Variants in PPP3CC observed in about 807,000 individuals in gnomAD.
PPP3CC encodes the protein protein phosphatase 3 catalytic subunit gamma.
Under a neutral mutation model 60.3 loss-of-function variants are expected in PPP3CC, and 35 were observed. The ratio of observed to expected loss-of-function variants is 0.58; its 90% CI spans 0.44 to 0.77. The LOEUF is 0.77. Ranked by LOEUF, PPP3CC falls within the 30% of genes least tolerant of loss-of-function variation. The pLI, the probability that PPP3CC is intolerant of heterozygous loss-of-function variation, is 0.00. For missense variants in PPP3CC, 570 were observed against 628.9 expected (o/e 0.91, Z 1.00); for synonymous variants, 206 against 224.3 (o/e 0.92, Z 0.73).
chr8:22,468,229 G>A (rs1241163079), intron 1 of PPP3CC, among the ~76,000 whole-genome samples: 2 of 151,994 alleles, frequency 1.3e-5, no homozygotes, highest in African/African-American at 4.8e-5. Context: ...TCAGCCTCCC[G>A]AGTAGCTGGG....
At chr8:22,484,571 T>C (rs1016086040) in intron 3 of PPP3CC, among the ~76,000 whole-genome samples, 5 of 152,246 alleles carry the variant, frequency 3.3e-5, no homozygotes, top group African/African-American at 1.2e-4. Context: ...GTAAAGTAGT[T>C]TGAGTCAGTT....
Position 22,528,502 on chromosome 8 carries a change from T to A in PPP3CC, c.1070-4T>A, listed in dbSNP as rs139301975. Reference sequence around the variant, plus strand: ...TAAATTTTGGATTATTTTGTCTTACTTAGTCACAGAGATGCTGGTAAATGT... The same window carrying A: ...TAAATTTTGGATTATTTTGTCTTACATAGTCACAGAGATGCTGGTAAATGT... On this transcript the variant is annotated splice_polypyrimidine_tract_variant and splice_region_variant and intron_variant, in intron 9 of 13. Coordinates refer to ENST00000240139, the MANE Select transcript of PPP3CC (RefSeq NM_005605.5). 224 of 1,525,918 alleles carry A rather than the reference T, an allele frequency of 1.5e-4. 1 individual carries two copies. Among genetic ancestry groups the A allele is most frequent in the Admixed American group, 1.3e-3 (70 of 53,088 alleles). The allele number at this position is 1,525,918 out of a possible 1,614,324, so 94.5% of individuals were successfully genotyped here. A position where few individuals can be genotyped will look rare whatever the true frequency, so the allele number is the denominator to read the frequency against.
intron 5 of PPP3CC, among the ~76,000 whole-genome samples, 162 bp from the exon 6 acceptor site, chr8:22,513,131 G>C (rs1839138270): frequency 6.6e-6 from 1 of 151,980 alleles, no homozygotes. Context: ...ATCTAAAATT[G>C]TTAAGTGTTC....
chr8:22,531,314 C>T, intron 10 of PPP3CC: 1 of 1,532,118 alleles, frequency 6.5e-7, no homozygotes, highest in Non-Finnish European at 8.7e-7. Context: ...CACTACATTC[C>T]AAGCTATCAG....
At chr8:22,470,057 T>TACAC (rs1200011074) in intron 1 of PPP3CC, among the ~76,000 whole-genome samples, 82 of 144,554 alleles carry the variant, frequency 5.7e-4, no homozygotes, top group African/African-American at 2.0e-3. Context: ...GATATATATA[T>TACAC]ATACACACAC....
Position 22,528,556 on chromosome 8 carries a change from A to T in PPP3CC, c.1120A>T (p.Ile374Phe), listed in dbSNP as rs772006030. 6 of 1,556,506 alleles carry T rather than the reference A, an allele frequency of 3.9e-6. No homozygotes were observed. Among genetic ancestry groups the T allele is most frequent in the Non-Finnish European group, 5.2e-6 (6 of 1,146,524 alleles). The change falls in exon 10 of 14, where the codon ATT (isoleucine) becomes TTT (phenylalanine). Residue 374 changes from isoleucine (I) to phenylalanine (F), a missense_variant. Physicochemically the swap from Ile to Phe is conservative, Grantham distance 21. Coordinates refer to ENST00000240139, the MANE Select transcript of PPP3CC (RefSeq NM_005605.5). ...CAACATATGCTCTGATGACGAACTG[A>T]TTTCTGATGATGAAGCAGAAGGTAA... ...VLNICSDDEL[I>F]SDDEAEGSTT...
intron 6 of PPP3CC, among the ~76,000 whole-genome samples, chr8:22,514,110 G>T (rs1037953541): frequency 1.3e-5 from 2 of 152,082 alleles, no homozygotes; most frequent in Admixed American, 6.5e-5. Context: ...GCCAGATGTG[G>T]TGGCAACACG....
chr8:22,488,901 C>T (rs565863063), intron 3 of PPP3CC, among the ~76,000 whole-genome samples: 9 of 152,150 alleles, frequency 5.9e-5, no homozygotes, highest in East Asian at 3.9e-4. Context: ...GTGAGGCTAT[C>T]GAGGCTAGAC....
chr8:22,535,927 T>G (rs148434376), intron 12 of PPP3CC, among the ~76,000 whole-genome samples: 2,592 of 152,228 alleles, frequency 0.017, 82 homozygotes, highest in African/African-American at 0.059. Context: ...AGATGGGGTT[T>G]CACCATGTTG....
At chr8:22,529,874 AGT>A (rs1220961045) in intron 10 of PPP3CC, among the ~76,000 whole-genome samples, 1 of 151,870 alleles carries the variant, frequency 6.6e-6, no homozygotes, top group Non-Finnish European at 1.5e-5. Context: ...TTTTTTTCCT[AGT>A]GTGCTGTGGG....
chr8:22,441,578 G>T (rs1359281189), intron 1 of PPP3CC, 120 bp downstream of exon 1: 1 of 1,122,164 alleles, frequency 8.9e-7, no homozygotes, highest in Non-Finnish European at 1.2e-6. Context: ...GCTCGGAGGG[G>T]TGTAGACAGA....
At chr8:22,452,203 T>C (rs932201702) in intron 1 of PPP3CC, among the ~76,000 whole-genome samples, 1 of 152,044 alleles carries the variant, frequency 6.6e-6, no homozygotes, top group South Asian at 2.1e-4. Flanking sequence ...CTAAATGTTT[T>C]ATTTTTATTA....
chr8:22,519,927 A>T (rs1004786702), intron 6 of PPP3CC, among the ~76,000 whole-genome samples: 1 of 121,778 alleles, frequency 8.2e-6, no homozygotes, highest in African/African-American at 2.8e-5. Flanking sequence ...GAGTGCTGGG[A>T]TTACAGGCAC....
intron 1 of PPP3CC, among the ~76,000 whole-genome samples, chr8:22,444,818 C>A (rs1465508005): frequency 6.6e-6 from 1 of 152,130 alleles, no homozygotes; most frequent in East Asian, 1.9e-4. Context: ...GAACTAGGCA[C>A]CCAAATGATT....
At chr8:22,490,376 T>C (rs1301172771) in intron 3 of PPP3CC, among the ~76,000 whole-genome samples, 2 of 152,172 alleles carry the variant, frequency 1.3e-5, no homozygotes, top group Non-Finnish European at 2.9e-5. Context: ...TTGAGATGAA[T>C]GTGACCATAC....
Position 22,499,995 on chromosome 8 carries a change from TTA to T in PPP3CC, c.484+1884_484+1885del, listed in dbSNP as rs542289179. Among the ~76,000 whole-genome samples, 668 of 152,334 alleles carry T rather than the reference TTA, an allele frequency of 4.4e-3. 6 individuals are homozygous for T. The highest frequency in any genetic ancestry group is 0.016 in the African/African-American group (647 of 41,578). On this transcript the variant is annotated intron_variant, in intron 4 of 13. Coordinates refer to ENST00000240139, the MANE Select transcript of PPP3CC (RefSeq NM_005605.5). ...GTTTTCCCCAACACCCACAACAGTATTAGTTGCTCATAGAAGTTGCTTAGTAA... is the reference window on the plus strand; with the variant it reads ...GTTTTCCCCAACACCCACAACAGTATGTTGCTCATAGAAGTTGCTTAGTAA...
At chr8:22,519,335 A>G (rs759914569) in intron 6 of PPP3CC, among the ~76,000 whole-genome samples, 3 of 152,176 alleles carry the variant, frequency 2.0e-5, no homozygotes, top group Non-Finnish European at 2.9e-5. Context: ...CCATTCACTC[A>G]TACTATATCT....
At chr8:22,502,929 G>GCTAT (rs1838804131) in intron 4 of PPP3CC, among the ~76,000 whole-genome samples, 1 of 152,012 alleles carries the variant, frequency 6.6e-6, no homozygotes, top group Non-Finnish European at 1.5e-5. Context: ...TGTTGCCCAG[G>GCTAT]CTAATCTCAA....
intron 6 of PPP3CC, among the ~76,000 whole-genome samples, chr8:22,517,964 T>G (rs1839297739): frequency 6.6e-6 from 1 of 152,098 alleles, no homozygotes. Context: ...ATCTTTTTTG[T>G]TTTTTAAATC....
Sources: gnomAD v4.1 joint callset for allele counts (sites outside exome capture counted in the v4.1 genomes callset) on GRCh38, gnomAD v4.1.1 for gene constraint, MANE v1.5 for transcripts, NCBI Gene and HGNC (gene_info 2026-07-23, HGNC 2026-07-21) for gene names.